RNF217: variants seen among roughly 807,000 people sequenced by gnomAD.
RNF217 encodes the protein ring finger protein 217, also known as E3 ubiquitin-protein ligase RNF217.
A neutral mutation model predicts 57.8 loss-of-function variants in RNF217; 31 were observed. The ratio of observed to expected loss-of-function variants is 0.54; its 90% CI spans 0.40 to 0.72. RNF217 has a LOEUF of 0.72. Ranked by LOEUF, RNF217 falls within the 30% of genes least tolerant of loss-of-function variation. RNF217 has a pLI of 0.00. For synonymous variants in RNF217, 313 were observed against 294.0 expected, an observed-to-expected ratio of 1.06 and a Z score of -0.66; for missense variants, 696 against 708.3, an observed-to-expected ratio of 0.98 and a Z score of 0.20.
intron 3 of RNF217, among the ~76,000 whole-genome samples, chr6:125,066,016 CA>C (rs1787924466): frequency 6.6e-6 from 1 of 152,180 alleles, no homozygotes; most frequent in South Asian, 2.1e-4. Context: ...CTGCTCAGGC[CA>C]AGAACTTTAG....
intron 2 of RNF217, 30 bp from the exon 3 acceptor site, chr6:125,057,912 A>G (rs773014054): frequency 1.9e-6 from 3 of 1,566,000 alleles, no homozygotes; most frequent in Non-Finnish European, 1.7e-6. Flanking sequence ...TATATCCACT[A>G]GTAATTAATA....
chr6:125,010,246 A>G (rs1785367342), intron 1 of RNF217, among the ~76,000 whole-genome samples: 1 of 152,020 alleles, frequency 6.6e-6, no homozygotes, highest in Admixed American at 6.5e-5. Context: ...ACTGGTAATT[A>G]TTTCCTCTTA....
intron 1 of RNF217, among the ~76,000 whole-genome samples, chr6:124,977,378 A>G (rs889154983): frequency 1.3e-5 from 2 of 152,246 alleles, no homozygotes; most frequent in Non-Finnish European, 2.9e-5. Context: ...AAAACAAAGT[A>G]TTAAAATAAA....
chr6:125,057,824 A>AG, intron 2 of RNF217, 118 bp from the exon 3 acceptor site: 1 of 753,040 alleles, frequency 1.3e-6, no homozygotes, highest in Non-Finnish European at 2.1e-6. Context: ...AGTCTTATAG[A>AG]GGGGGAGGTA....
In RNF217 at chr6:124,962,862, G is replaced by A. The variant is rs753964563; in HGVS notation, c.318G>A (p.Glu106=). 4 of 1,598,088 alleles carry A rather than the reference G, an allele frequency of 2.5e-6. No homozygotes were observed. The highest frequency in any genetic ancestry group is 2.2e-5 in the South Asian group (2 of 91,080). Residue 106 remains glutamate, a synonymous_variant, in exon 1 of 6, where the codon GAG becomes GAA. Transcript: ENST00000521654. The surrounding 1 kb of genome is among the most constrained non-coding windows in gnomAD (Gnocchi z 4.6). ...CCCAGACCTTGCCACTGCAGTTGGA[G>A]CTGGAGGAGGAAGAGGAGGAAGCTG... ...LNPQTLPLQL[E]LEEEEEEAGD... is the part of the protein sequence containing the mutation.
intron 1 of RNF217, among the ~76,000 whole-genome samples, chr6:124,991,577 G>T (rs1383550518): frequency 6.6e-6 from 1 of 152,130 alleles, no homozygotes; most frequent in Non-Finnish European, 1.5e-5. Flanking sequence ...AGGCCATGAG[G>T]ATAAGAATTT....
At chr6:124,963,711 G>A (rs765734852) in intron 1 of RNF217, among the ~76,000 whole-genome samples, 5 of 152,234 alleles carry the variant, frequency 3.3e-5, no homozygotes, top group Non-Finnish European at 7.3e-5. Context: ...AGGATTGCAA[G>A]CACAAGCTTG....
chr6:125,032,448 A>G (rs1246106027), intron 1 of RNF217, among the ~76,000 whole-genome samples: 1 of 151,992 alleles, frequency 6.6e-6, no homozygotes, highest in East Asian at 1.9e-4. Context: ...GTTAGGAAAC[A>G]CTTATGCCAA....
intron 1 of RNF217, among the ~76,000 whole-genome samples, chr6:125,023,656 A>C (rs1785945801): frequency 6.6e-6 from 1 of 152,214 alleles, no homozygotes; most frequent in African/African-American, 2.4e-5. Flanking sequence ...ACAATAGCCA[A>C]GATATGGAAA....
At chr6:125,008,992 T>C in intron 1 of RNF217, 1 of 291,926 alleles carries the variant, frequency 3.4e-6, no homozygotes. Flanking sequence ...GGTTTAATGG[T>C]TGAAAATGAT....
intron 1 of RNF217, among the ~76,000 whole-genome samples, chr6:124,973,561 A>T (rs1439421815): frequency 6.6e-6 from 1 of 151,950 alleles, no homozygotes; most frequent in African/African-American, 2.4e-5. Context: ...ATTGAAAATA[A>T]ATTATAATAT....
At chr6:125,030,228 A>G (rs1399255880) in intron 1 of RNF217, among the ~76,000 whole-genome samples, 1 of 152,150 alleles carries the variant, frequency 6.6e-6, no homozygotes, top group Non-Finnish European at 1.5e-5. Context: ...GAGAGATACA[A>G]TTCAGGTTGA....
chr6:125,032,196 C>T (rs1173813227), intron 1 of RNF217, among the ~76,000 whole-genome samples: 1 of 152,060 alleles, frequency 6.6e-6, no homozygotes, highest in Non-Finnish European at 1.5e-5. Context: ...ACAGCCAAAC[C>T]ATATCAGCTG....
At chr6:125,054,723 A>G (rs1304477106) in intron 2 of RNF217, among the ~76,000 whole-genome samples, 2 of 152,172 alleles carry the variant, frequency 1.3e-5, no homozygotes, top group African/African-American at 4.8e-5. Context: ...GTCACATGGT[A>G]TAGAGCAGTG....
chr6:124,975,947 C>A (rs1489597554), intron 1 of RNF217, among the ~76,000 whole-genome samples: 2 of 151,524 alleles, frequency 1.3e-5, no homozygotes, highest in Non-Finnish European at 2.9e-5. Context: ...CCTATGTTAT[C>A]ATTTTTCTTC....
chr6:124,987,221 T>G (rs1251614894), intron 1 of RNF217, among the ~76,000 whole-genome samples: 1 of 152,240 alleles, frequency 6.6e-6, no homozygotes, highest in Non-Finnish European at 1.5e-5. Flanking sequence ...AATTCCTTAT[T>G]GAAATATGTT....
Position 124,962,871 on chromosome 6 carries a change from G to A in RNF217, c.327G>A (p.Glu109=), listed in dbSNP as rs988764633. Residue 109 remains glutamate (E), a synonymous_variant, in exon 1 of 6, where the codon GAG becomes GAA. Coordinates refer to ENST00000521654, the MANE Select transcript of RNF217 (RefSeq NM_001286398.3). The surrounding 1 kb of genome is among the most constrained non-coding windows in gnomAD (Gnocchi z 4.6). ...TGCCACTGCAGTTGGAGCTGGAGGA[G>A]GAAGAGGAGGAAGCTGGGGATCGAA... ...QTLPLQLELE[E]EEEEAGDRKE... The A allele has an allele frequency of 3.1e-6, 5 of 1,597,966 alleles. No homozygotes were observed. Among genetic ancestry groups the A allele is most frequent in the Non-Finnish European group, 4.2e-6 (5 of 1,179,672 alleles).
intron 2 of RNF217, among the ~76,000 whole-genome samples, chr6:125,055,510 TCATTAAATGTCTGA>T (rs1224959130): frequency 7.2e-5 from 11 of 152,188 alleles, no homozygotes; most frequent in African/African-American, 2.7e-4. Flanking sequence ...GATCTTTGAG[TCATTAAATGTCTGA>T]CATTTATAGA....
At chr6:125,019,662 T>C (rs1045339533) in intron 1 of RNF217, among the ~76,000 whole-genome samples, 2 of 152,116 alleles carry the variant, frequency 1.3e-5, no homozygotes, top group Non-Finnish European at 2.9e-5. Flanking sequence ...ACGAATAATT[T>C]AGTTTCTCAA....
Sources: gnomAD v4.1 joint callset for allele counts (sites outside exome capture counted in the v4.1 genomes callset) on GRCh38, gnomAD v4.1.1 for gene constraint, Gnocchi (gnomAD v3.1) non-coding constraint, MANE v1.5 for transcripts, NCBI Gene and HGNC (gene_info 2026-07-23, HGNC 2026-07-21) for gene names.